MTIF2: variants seen among roughly 807,000 people sequenced by gnomAD.
MTIF2 encodes translation initiation factor IF-2, mitochondrial.
A neutral mutation model predicts 83.5 loss-of-function variants in MTIF2; 71 were observed. The observed-to-expected ratio is 0.85, with a 90% confidence interval of 0.70 to 1.04. The LOEUF (loss-of-function observed/expected upper bound fraction) is 1.04. MTIF2 is among the 50% of genes least tolerant of loss of function. The pLI is 0.00. For synonymous variants in MTIF2, 319 were observed against 287.1 expected, an observed-to-expected ratio of 1.11 and a Z score of -1.12; for missense variants, 957 against 846.5, an observed-to-expected ratio of 1.13 and a Z score of -1.62.
chr2:55,252,400 G>T, intron 8 of MTIF2, 77 bp downstream of exon 8: 1 of 1,253,088 alleles, frequency 8.0e-7, no homozygotes, highest in Non-Finnish European at 1.1e-6. Flanking sequence ...TTGTTGTGAA[G>T]ACTAAATGAG....
At position 55,243,056 on chromosome 2, in the gene MTIF2, G is replaced by T. The variant is rs1262128501; in HGVS notation, c.1589C>A (p.Ala530Asp). 2 of 1,608,546 alleles carry T rather than the reference G, an allele frequency of 1.2e-6. No individual in the cohort carries two copies. The highest frequency in any genetic ancestry group is 1.7e-5 in the Admixed American group (1 of 58,406). Reference protein sequence around the residue: ...IKGDVDGSVEAILNIIDTYDA... With the variant: ...IKGDVDGSVEDILNIIDTYDA... ...ATAGGTATCTATAATGTTCAAAATGGCCTCAACAGAACCATCAACATCACC... is the reference window on the plus strand; with the variant it reads ...ATAGGTATCTATAATGTTCAAAATGTCCTCAACAGAACCATCAACATCACC... Residue 530 changes from alanine (A) to aspartate (D), a missense_variant, in exon 13 of 16, where the codon GCC (alanine) becomes GAC (aspartate). Ala to Asp is a moderately radical substitution (Grantham distance 126). Coordinates refer to ENST00000263629, the MANE Select transcript of MTIF2 (RefSeq NM_002453.3).
At chr2:55,251,449 TGTCTGA>T (rs1339812985) in intron 8 of MTIF2, among the ~76,000 whole-genome samples, 1 of 152,214 alleles carries the variant, frequency 6.6e-6, no homozygotes, top group African/African-American at 2.4e-5. Flanking sequence ...TTCTGGCTGC[TGTCTGA>T]GTCTTAGTTT....
chr2:55,254,024 G>A lies in MTIF2; in HGVS notation c.664+17C>T, dbSNP rs1431324057. On this transcript the variant is annotated intron_variant, in intron 7 of 15. Transcript: ENST00000263629. ...GTGGGGTTCCCAAGCACATTGTAAGGTAATTTGTGTTCATACCAAGAAAGG... is the reference window on the plus strand; with the variant it reads ...GTGGGGTTCCCAAGCACATTGTAAGATAATTTGTGTTCATACCAAGAAAGG... The A allele has an allele frequency of 1.2e-6, 2 of 1,612,802 alleles. No individual in the cohort carries two copies. The highest frequency in any genetic ancestry group is 1.7e-6 in the Non-Finnish European group (2 of 1,179,196).
chr2:55,263,571 C>G (rs540121032), intron 4 of MTIF2, 69 bp downstream of exon 4: 5 of 1,250,196 alleles, frequency 4.0e-6, no homozygotes, highest in South Asian at 2.7e-5. Flanking sequence ...GATCGCGCCA[C>G]GGCACTCCAG....
intron 5 of MTIF2, among the ~76,000 whole-genome samples, chr2:55,260,995 T>TC: frequency 6.6e-6 from 1 of 151,952 alleles, no homozygotes; most frequent in East Asian, 1.9e-4. Flanking sequence ...AGTATTTCTT[T>TC]TTTTTTTTTA....
intron 8 of MTIF2, among the ~76,000 whole-genome samples, chr2:55,250,290 ATG>A (rs922397536): frequency 5.3e-5 from 8 of 152,194 alleles, no homozygotes; most frequent in African/African-American, 1.4e-4. Flanking sequence ...GTTGAAAAAA[ATG>A]TGTGTGTTAA....
chr2:55,249,804 C>A (rs191875510), intron 8 of MTIF2, among the ~76,000 whole-genome samples: 7 of 151,950 alleles, frequency 4.6e-5, no homozygotes, highest in Admixed American at 3.9e-4. Context: ...AAAAACAATA[C>A]AGTCGGGCTG....
chr2:55,263,729 A>G lies in MTIF2; in HGVS notation c.130T>C (p.Trp44Arg), dbSNP rs755710758. Residue 44 changes from tryptophan to arginine, a missense_variant, in exon 4 of 16, where the codon TGG becomes CGG. This residue lies in a region of MTIF2 where 733 missense variants were observed against 648.7 expected (regional missense o/e 1.13). Transcript: ENST00000263629. ...GGCCAGGCACACAGTTGAGCTGTCC[A>G]CACAGGGTAAGCAGATGAAAACCCA... The part of the protein sequence containing the change: ...RHGFSSAYPV[W>R]TAQLCAWPWP... 6.2e-7 allele frequency: 1 copy of G among 1,614,078 alleles called. No individual in the cohort carries two copies. The highest frequency in any genetic ancestry group is 1.3e-5 in the African/African-American group (1 of 74,932).
chr2:55,265,599 A>G lies in MTIF2; in HGVS notation c.-7-1734T>C, dbSNP rs1034507672. The stretch of plus-strand genomic sequence containing the variant: ...GGTATAGCCTTTTAGACTCTTCAGT[A>G]TAGATTTTCTTTTACTCACTACTCA... On this transcript the variant is annotated intron_variant, in intron 3 of 15. Coordinates refer to ENST00000263629, the MANE Select transcript of MTIF2 (RefSeq NM_002453.3). 3.2e-4 allele frequency among the ~76,000 whole-genome samples: 48 copies of G among 152,036 alleles called. 2 individuals are homozygous for G. The highest frequency in any genetic ancestry group is 6.6e-4 in the Non-Finnish European group (45 of 68,018).
chr2:55,263,496 G>C (rs1678190174), intron 4 of MTIF2, 144 bp downstream of exon 4: 2 of 616,322 alleles, frequency 3.2e-6, no homozygotes, highest in Admixed American at 6.0e-5. Flanking sequence ...TGTAACCCCA[G>C]CTACTCAGGA....
intron 5 of MTIF2, among the ~76,000 whole-genome samples, chr2:55,257,093 T>G (rs183504814): frequency 1.3e-5 from 2 of 152,362 alleles, no homozygotes; most frequent in Admixed American, 1.3e-4. Flanking sequence ...TCCCTGCGGA[T>G]GATAAATAAA....
chr2:55,249,430 C>G lies in MTIF2; in HGVS notation c.946G>C (p.Gly316Arg). 6.2e-7 allele frequency: 1 copy of G among 1,614,196 alleles called. No individual in the cohort carries two copies. The highest frequency in any genetic ancestry group is 8.5e-7 in the Non-Finnish European group (1 of 1,180,018). Residue 316 changes from glycine to arginine, a missense_variant, in exon 9 of 16, where the codon GGT becomes CGT. Physicochemically the swap from Gly to Arg is moderately radical, Grantham distance 125 (BLOSUM62 -2). Transcript: ENST00000263629. ...GAGACAGGCACTGCTTGAACATCAC[C>G]TCCATAATCTTCACATACCACATCG... is the stretch of plus-strand genomic sequence containing the variant. ...AYDVVCEDYG[G>R]DVQAVPVSAL...
chr2:55,260,312 A>AGAG (rs1242409407), intron 5 of MTIF2, among the ~76,000 whole-genome samples: 1 of 150,090 alleles, frequency 6.7e-6, no homozygotes, highest in African/African-American at 2.4e-5. Context: ...AGACAGGAGA[A>AGAG]TTGCTTGAAC....
At chr2:55,237,482 C>G (rs1866034) in intron 14 of MTIF2, 54 bp from the exon 15 acceptor site, 383 of 1,501,770 alleles carry the variant, frequency 2.6e-4, no homozygotes, top group Non-Finnish European at 3.1e-4. Context: ...CTGATAAATA[C>G]GTAATTTCTG....
At chr2:55,264,777 T>C (rs944340577) in intron 3 of MTIF2, among the ~76,000 whole-genome samples, 1 of 152,204 alleles carries the variant, frequency 6.6e-6, no homozygotes, top group Non-Finnish European at 1.5e-5. Context: ...CTTTTGAGTA[T>C]TATTCTTAGA....
chr2:55,267,420 AAG>A (rs1678520783), intron 3 of MTIF2, 147 bp downstream of exon 3: 1 of 152,404 alleles, frequency 6.6e-6, no homozygotes, highest in South Asian at 2.1e-4. Flanking sequence ...TGGCCTCCCA[AAG>A]TGCTGGGATT....
chr2:55,263,087 T>C (rs552569577), intron 4 of MTIF2, among the ~76,000 whole-genome samples: 1 of 152,276 alleles, frequency 6.6e-6, no homozygotes, highest in Admixed American at 6.5e-5. Context: ...GGTCTCGAAC[T>C]CTTGACCTTG....
At chr2:55,237,839 C>A (rs1320846542) in intron 14 of MTIF2, among the ~76,000 whole-genome samples, 1 of 151,600 alleles carries the variant, frequency 6.6e-6, no homozygotes, top group Admixed American at 6.6e-5. Context: ...TTAGTAGAGA[C>A]GGGGTTTCAC....
At chr2:55,261,418 C>T (rs922626982) in intron 5 of MTIF2, among the ~76,000 whole-genome samples, 4 of 150,946 alleles carry the variant, frequency 2.6e-5, no homozygotes, top group Admixed American at 6.6e-5. Context: ...CAAGCCTGGC[C>T]AACATGGTGA....
Sources: allele counts gnomAD v4.1 joint callset (sites outside exome capture counted in the v4.1 genomes callset), GRCh38; gene constraint gnomAD v4.1.1; regional missense constraint gnomAD v4.1.1; transcripts MANE v1.5; gene names NCBI Gene and HGNC (gene_info 2026-07-23, HGNC 2026-07-21).